The following NR5A2 variants were observed in gnomAD, a reference collection of about 807,000 sequenced individuals.
NR5A2 encodes nuclear receptor subfamily 5 group A member 2, also known as CYP7A promoter-binding factor.
In NR5A2, 26 loss-of-function variants were observed where a neutral mutation model predicts 62.7. The ratio of observed to expected loss-of-function variants is 0.41; its 90% CI spans 0.30 to 0.58. The LOEUF (loss-of-function observed/expected upper bound fraction) is 0.58. Among genes scored for constraint, NR5A2 ranks in the 20% least tolerant of loss-of-function variants. NR5A2 has a pLI of 0.22. For missense variants in NR5A2, 541 were observed against 669.1 expected, an observed-to-expected ratio of 0.81 and a Z score of 2.11; for synonymous variants, 246 against 241.7, an observed-to-expected ratio of 1.02 and a Z score of -0.16.
intron 7 of NR5A2, among the ~76,000 whole-genome samples, chr1:200,131,644 T>C (rs1305926819): frequency 6.6e-6 from 1 of 152,202 alleles, no homozygotes; most frequent in Non-Finnish European, 1.5e-5. Context: ...ATAGAGTGGC[T>C]GTCTTAGTAC....
chr1:200,038,696 C>A (rs747060495), intron 1 of NR5A2: 1 of 1,366,286 alleles, frequency 7.3e-7, no homozygotes, highest in Non-Finnish European at 9.8e-7. Flanking sequence ...CTTGCTTCCC[C>A]TCAGATCGAG....
rs141260180 is a variant in NR5A2, at chr1:200,117,960, C to T, written c.1231-2848C>T. Reference sequence around the variant, plus strand: ...AACTCCCGACCTCAGGTGATCCACCCGTCTCGGCCTCCCAAAGTGCTGGGA... The same window carrying T: ...AACTCCCGACCTCAGGTGATCCACCTGTCTCGGCCTCCCAAAGTGCTGGGA... On this transcript the variant is annotated intron_variant, in intron 6 of 7. Transcript: ENST00000367362. 6.6e-3 allele frequency among the ~76,000 whole-genome samples: 991 copies of T among 150,942 alleles called. 9 individuals carry two copies. Among genetic ancestry groups the T allele is most frequent in the African/African-American group, 0.021 (845 of 41,068 alleles).
chr1:200,113,954 G>A (rs979675999), intron 6 of NR5A2, among the ~76,000 whole-genome samples: 1 of 152,192 alleles, frequency 6.6e-6, no homozygotes, highest in Non-Finnish European at 1.5e-5. Flanking sequence ...GCTGAGGCGG[G>A]TGGGTCACTT....
At chr1:200,106,737 C>A (rs1571487650) in intron 5 of NR5A2, among the ~76,000 whole-genome samples, 1 of 152,028 alleles carries the variant, frequency 6.6e-6, no homozygotes, top group Non-Finnish European at 1.5e-5. Flanking sequence ...CTTTTTCTAC[C>A]CACACCCCCA....
chr1:200,084,032 T>C lies in NR5A2; in HGVS notation c.1111-27170T>C, dbSNP rs146799781. On this transcript the variant is annotated intron_variant, in intron 5 of 7. Transcript: ENST00000367362. ...AAAGTACAGTTTAAATACCATAGGG[T>C]AGGTCAGATATTCTTAAGATTCCTT... Among the ~76,000 whole-genome samples, 557 of 151,126 alleles carry C rather than the reference T, an allele frequency of 3.7e-3. 7 individuals carry two copies. The highest frequency in any genetic ancestry group is 0.012 in the African/African-American group (510 of 41,232).
At chr1:200,166,986 T>C (rs1344927676) in intron 7 of NR5A2, among the ~76,000 whole-genome samples, 2 of 152,214 alleles carry the variant, frequency 1.3e-5, no homozygotes, top group African/African-American at 4.8e-5. Context: ...GATTCTTAAT[T>C]TCATCATACC....
chr1:200,049,827 T>G (rs1270714073), intron 5 of NR5A2, among the ~76,000 whole-genome samples: 1 of 152,210 alleles, frequency 6.6e-6, no homozygotes, highest in Non-Finnish European at 1.5e-5. Context: ...GACTTTTAAT[T>G]TTAAGAGTTA....
intron 7 of NR5A2, among the ~76,000 whole-genome samples, chr1:200,154,760 G>T (rs1471302096): frequency 6.6e-6 from 1 of 152,154 alleles, no homozygotes; most frequent in East Asian, 1.9e-4. Flanking sequence ...ATTTAGGAAG[G>T]GTCTTCTAGA....
At chr1:200,107,831 A>G (rs542798286) in intron 5 of NR5A2, among the ~76,000 whole-genome samples, 2 of 150,100 alleles carry the variant, frequency 1.3e-5, no homozygotes, top group Non-Finnish European at 2.9e-5. Flanking sequence ...GGGTTTCACC[A>G]TGTTGGCCAG....
At chr1:200,063,017 C>A (rs1024211059) in intron 5 of NR5A2, among the ~76,000 whole-genome samples, 2 of 150,704 alleles carry the variant, frequency 1.3e-5, no homozygotes, top group African/African-American at 2.5e-5. Context: ...GGCCCTGGTT[C>A]ACTTTGGCGT....
chr1:200,042,311 TC>T (rs535096934), intron 2 of NR5A2, among the ~76,000 whole-genome samples: 18 of 152,222 alleles, frequency 1.2e-4, no homozygotes, highest in African/African-American at 4.3e-4. Flanking sequence ...CTGCGCGCAG[TC>T]CTTAGCCGCA....
chr1:200,161,396 T>C (rs2102380052), intron 7 of NR5A2, among the ~76,000 whole-genome samples: 1 of 152,336 alleles, frequency 6.6e-6, no homozygotes, highest in Admixed American at 6.5e-5. Flanking sequence ...CAATGTACGA[T>C]CTGTTTCATA....
At chr1:200,049,477 G>A (rs934590060) in intron 5 of NR5A2, among the ~76,000 whole-genome samples, 1 of 152,074 alleles carries the variant, frequency 6.6e-6, no homozygotes, top group African/African-American at 2.4e-5. Context: ...TGATTTTAGT[G>A]GACTGGTACA....
At chr1:200,089,224 TTG>T (rs1370197399) in intron 5 of NR5A2, among the ~76,000 whole-genome samples, 1 of 152,202 alleles carries the variant, frequency 6.6e-6, no homozygotes, top group Non-Finnish European at 1.5e-5. Context: ...TTTGTTTGTT[TTG>T]TTTTTTGAGA....
At chr1:200,130,865 A>T (rs986500678) in intron 7 of NR5A2, among the ~76,000 whole-genome samples, 1 of 152,226 alleles carries the variant, frequency 6.6e-6, no homozygotes, top group Non-Finnish European at 1.5e-5. Flanking sequence ...AGCATTGGTT[A>T]AATTGTTCTT....
At chr1:200,052,286 T>G (rs998472221) in intron 5 of NR5A2, among the ~76,000 whole-genome samples, 8 of 152,184 alleles carry the variant, frequency 5.3e-5, no homozygotes, top group Admixed American at 3.9e-4. Flanking sequence ...CACCCTATCT[T>G]TCTGTAAAGG....
At chr1:200,140,464 C>T (rs1047755654) in intron 7 of NR5A2, among the ~76,000 whole-genome samples, 15 of 152,172 alleles carry the variant, frequency 9.9e-5, no homozygotes, top group African/African-American at 3.4e-4. Flanking sequence ...TTAAGATTGA[C>T]ATCTTTTTTC....
chr1:200,117,357 T>C (rs1666270705), intron 6 of NR5A2, among the ~76,000 whole-genome samples: 1 of 152,210 alleles, frequency 6.6e-6, no homozygotes, highest in East Asian at 1.9e-4. Context: ...ATAAATATCC[T>C]TGAAAGAAAT....
intron 7 of NR5A2, among the ~76,000 whole-genome samples, chr1:200,145,112 C>T (rs1215231475): frequency 6.6e-6 from 1 of 152,082 alleles, no homozygotes; most frequent in African/African-American, 2.4e-5. Context: ...GAGTTCAAGA[C>T]CAGCCTGACC....
Sources: gnomAD v4.1 joint callset for allele counts (sites outside exome capture counted in the v4.1 genomes callset) on GRCh38, gnomAD v4.1.1 for gene constraint, MANE v1.5 for transcripts, NCBI Gene and HGNC (gene_info 2026-07-23, HGNC 2026-07-21) for gene names.